Variants in DCUN1D2 observed in about 807,000 individuals in gnomAD.
DCUN1D2 encodes defective in cullin neddylation 1 domain containing 2.
In DCUN1D2, 29 loss-of-function variants were observed where a neutral mutation model predicts 30.9. The ratio of observed to expected loss-of-function variants is 0.94; its 90% CI spans 0.70 to 1.28. The LOEUF (loss-of-function observed/expected upper bound fraction) is 1.28. DCUN1D2 is among the 50% of genes most tolerant of loss of function. The pLI, the probability that DCUN1D2 is intolerant of heterozygous loss-of-function variation, is 0.00. For missense variants in DCUN1D2, 325 were observed against 316.9 expected, an observed-to-expected ratio of 1.03 and a Z score of -0.19; for synonymous variants, 121 against 115.3, an observed-to-expected ratio of 1.05 and a Z score of -0.32.
At position 113,490,436 on chromosome 13, in the gene DCUN1D2, C is replaced by G. The variant is rs2044934158; in HGVS notation, c.3+231G>C. On this transcript the variant is annotated intron_variant, in intron 1 of 6. Transcript: ENST00000478244. The surrounding 1 kb of genome is among the most constrained non-coding windows in gnomAD (Gnocchi z 5.2). ...CCGGCCCCCGCCCTCCGCTCACTCC[C>G]GGTCGTCCCTCGCGGCTCCGGGTCA... is the stretch of plus-strand genomic sequence containing the variant. 2.1e-5 allele frequency: 8 copies of G among 385,582 alleles called. No homozygotes were observed. The South Asian group carries it at 3.1e-4, about 15-fold the overall frequency. The allele number at this position is 385,582 out of a possible 1,614,324, so 23.9% of individuals were successfully genotyped here.
At chr13:113,466,371 T>G (rs1160812080) in intron 4 of DCUN1D2, among the ~76,000 whole-genome samples, 1 of 152,252 alleles carries the variant, frequency 6.6e-6, no homozygotes, top group Non-Finnish European at 1.5e-5. Context: ...TGTTTTCATT[T>G]GTTAAAAGTA....
intron 3 of DCUN1D2, among the ~76,000 whole-genome samples, chr13:113,476,504 T>G (rs1415788830): frequency 6.6e-6 from 1 of 152,240 alleles, no homozygotes; most frequent in Non-Finnish European, 1.5e-5. Flanking sequence ...TGGTTGTTTT[T>G]CAATGTCTTT....
In DCUN1D2 at chr13:113,457,448, A is replaced by G. The variant is rs934755933; in HGVS notation, c.*581T>C. ...TGATTTTCAGATGAATGTCTAGAGA[A>G]AATGAAAACAAAAATAGAGCTGGTA... On this transcript the variant is annotated 3_prime_UTR_variant, in exon 7 of 7. Coordinates refer to ENST00000478244, the MANE Select transcript of DCUN1D2 (RefSeq NM_001014283.2). The G allele has an allele frequency of 1.3e-5, 2 of 152,190 alleles. No homozygotes were observed. Among genetic ancestry groups the G allele is most frequent in the African/African-American group, 4.8e-5 (2 of 41,466 alleles). 9.4% of individuals were successfully genotyped at this position (152,190 alleles called of 1,614,324 possible). A position where few individuals can be genotyped will look rare whatever the true frequency, so the allele number is the denominator to read the frequency against.
chr13:113,480,621 ACT>A lies in DCUN1D2; in HGVS notation c.341_342del (p.Gln114LeufsTer2). Reference protein sequence around the residue: ...VIAWKFRAATQCEFSRKEFLD... With the variant: ...VIAWKFRAATXCEFSRKEFLD... ...AGAAATTCCTTTCTGCTAAATTCAC[ACT>A]GAGTTGCTGCCCTGAACTTCCACGC... On this transcript the variant is annotated frameshift_variant, in exon 3 of 7. Transcript: ENST00000478244. LOFTEE classifies it high-confidence loss of function. The A allele has an allele frequency of 6.2e-7, 1 of 1,614,156 alleles. No homozygotes were observed. Among genetic ancestry groups the A allele is most frequent in the South Asian group, 1.1e-5 (1 of 91,086 alleles).
intron 4 of DCUN1D2, among the ~76,000 whole-genome samples, chr13:113,470,771 A>ACAACTCCACAAGGGACC (rs1566497821): frequency 1.2e-3 from 145 of 120,452 alleles, no homozygotes; most frequent in Middle Eastern, 5.0e-3. Flanking sequence ...CACAGAAGAC[A>ACAACTCCACAAGGGACC]CAACTCCACA....
chr13:113,462,725 C>T (rs1161758029), intron 4 of DCUN1D2: 1 of 997,256 alleles, frequency 1.0e-6, no homozygotes, highest in Non-Finnish European at 1.2e-6. Flanking sequence ...TATGGAACAG[C>T]TCTCTAGACC....
At chr13:113,486,286 G>A (rs924614061) in intron 1 of DCUN1D2, among the ~76,000 whole-genome samples, 2 of 152,158 alleles carry the variant, frequency 1.3e-5, no homozygotes, top group African/African-American at 4.8e-5. Flanking sequence ...ACTTGTAAGT[G>A]GGAGCTGAAC....
In DCUN1D2 at chr13:113,477,178, A is replaced by C. The variant is rs543328702; in HGVS notation, c.390-2924T>G. ...AGCTTGTCAAATTACACATAAACAA[A>C]CCCACTATCTATTGGGATTTTTAAA... On this transcript the variant is annotated intron_variant, in intron 3 of 6. Coordinates refer to ENST00000478244, the MANE Select transcript of DCUN1D2 (RefSeq NM_001014283.2). 1.5e-3 allele frequency among the ~76,000 whole-genome samples: 221 copies of C among 152,260 alleles called. 1 individual carries two copies. The highest frequency in any genetic ancestry group is 5.1e-3 in the African/African-American group (213 of 41,544).
At chr13:113,462,916 T>C in intron 4 of DCUN1D2, 1 of 1,235,804 alleles carries the variant, frequency 8.1e-7, no homozygotes, top group Non-Finnish European at 1.0e-6. Flanking sequence ...AAAATAAAGT[T>C]TTATGGCACA....
intron 1 of DCUN1D2, among the ~76,000 whole-genome samples, chr13:113,485,294 T>C (rs1042592617): frequency 1.9e-4 from 29 of 152,124 alleles, no homozygotes; most frequent in Admixed American, 6.6e-5. Flanking sequence ...ATGAGACAAC[T>C]TATAAAAACA....
At chr13:113,467,897 A>G (rs2044432591) in intron 4 of DCUN1D2, among the ~76,000 whole-genome samples, 1 of 151,706 alleles carries the variant, frequency 6.6e-6, no homozygotes, top group African/African-American at 2.4e-5. Context: ...TACAAAAATT[A>G]GCCGGGCGTG....
rs559111198 is a variant in DCUN1D2, at chr13:113,456,844, G to A, written c.*1185C>T. ...CTGGGCACTACGGGTACCACAAGAG[G>A]ATGGAAAGAACCAGCTCATTCGGTT... On this transcript the variant is annotated 3_prime_UTR_variant, in exon 7 of 7. Coordinates refer to ENST00000478244, the MANE Select transcript of DCUN1D2 (RefSeq NM_001014283.2). 1 of 153,852 alleles carries A rather than the reference G, an allele frequency of 6.5e-6. No homozygotes were observed. Among genetic ancestry groups the A allele is most frequent in the South Asian group, 2.1e-4 (1 of 4,834 alleles). The allele number at this position is 153,852 out of a possible 1,614,324, so 9.5% of individuals were successfully genotyped here. A position where few individuals can be genotyped will look rare whatever the true frequency, so the allele number is the denominator to read the frequency against.
At chr13:113,460,415 G>A (rs934986287) in intron 5 of DCUN1D2, among the ~76,000 whole-genome samples, 2 of 152,240 alleles carry the variant, frequency 1.3e-5, no homozygotes, top group Non-Finnish European at 2.9e-5. Flanking sequence ...CAAGAGGTCT[G>A]GGCATCTCTG....
chr13:113,457,993 A>G lies in DCUN1D2; in HGVS notation c.*36T>C. On this transcript the variant is annotated 3_prime_UTR_variant, in exon 7 of 7. Coordinates refer to ENST00000478244, the MANE Select transcript of DCUN1D2 (RefSeq NM_001014283.2). ...ACTGCAATCTCCTTGCAGGATACAA[A>G]TCATTTCATAATCTTACTCCTGCTT... 1.3e-6 allele frequency: 2 copies of G among 1,582,896 alleles called. No homozygotes were observed. The highest frequency in any genetic ancestry group is 4.5e-5 in the East Asian group (2 of 44,708).
intron 5 of DCUN1D2, 134 bp downstream of exon 5, chr13:113,460,920 C>T (rs952523845): frequency 5.0e-5 from 30 of 600,782 alleles, no homozygotes; most frequent in African/African-American, 1.2e-4. Flanking sequence ...TCTGGACCTG[C>T]GGATCTTTGT....
chr13:113,465,327 CCT>C (rs1328869432), intron 4 of DCUN1D2, among the ~76,000 whole-genome samples: 1 of 152,066 alleles, frequency 6.6e-6, no homozygotes, highest in East Asian at 1.9e-4. Context: ...GCTGGATAGA[CCT>C]CTGAGAATTA....
chr13:113,480,745 T>C lies in DCUN1D2; in HGVS notation c.221-2A>G. ...CAATTTTGTTTTCATCTTGTGGATCTGTAGTTAATATCAGGGGAAAAGGAA... is the reference window on the plus strand; with the variant it reads ...CAATTTTGTTTTCATCTTGTGGATCCGTAGTTAATATCAGGGGAAAAGGAA... On this transcript the variant is annotated splice_acceptor_variant, in intron 2 of 6. Transcript: ENST00000478244. LOFTEE classifies it high-confidence loss of function. 6.2e-6 allele frequency: 10 copies of C among 1,613,588 alleles called. No homozygotes were observed. The highest frequency in any genetic ancestry group is 7.6e-6 in the Non-Finnish European group (9 of 1,179,886).
chr13:113,476,538 TTTATATA>T (rs1566501997), intron 3 of DCUN1D2, among the ~76,000 whole-genome samples: 1 of 152,246 alleles, frequency 6.6e-6, no homozygotes, highest in African/African-American at 2.4e-5. Flanking sequence ...GTAGAAATTC[TTTATATA>T]TTAAAGATAC....
rs182488618 is a variant in DCUN1D2 at position 113,474,722 on chromosome 13, G to A, written c.390-468C>T. 2.9e-3 allele frequency among the ~76,000 whole-genome samples: 435 copies of A among 152,266 alleles called. 2 individuals are homozygous for A. Among genetic ancestry groups the A allele is most frequent in the Middle Eastern group, 6.8e-3 (2 of 294 alleles). On this transcript the variant is annotated intron_variant, in intron 3 of 6. Coordinates refer to ENST00000478244, the MANE Select transcript of DCUN1D2 (RefSeq NM_001014283.2). ...GGGCATGAGGTGACAAGATGGCAGAGACGAGGTAATGGAAAGATGGAAAGA... is the reference window on the plus strand; with the variant it reads ...GGGCATGAGGTGACAAGATGGCAGAAACGAGGTAATGGAAAGATGGAAAGA...
Sources: gnomAD v4.1 joint callset for allele counts (sites outside exome capture counted in the v4.1 genomes callset) on GRCh38, gnomAD v4.1.1 for gene constraint, Gnocchi (gnomAD v3.1) non-coding constraint, MANE v1.5 for transcripts, NCBI Gene and HGNC (gene_info 2026-07-23, HGNC 2026-07-21) for gene names.